KCTD8: variants seen among roughly 807,000 people sequenced by gnomAD.
The protein encoded by KCTD8 is BTB/POZ domain-containing protein KCTD8.
Under a neutral mutation model 31.5 loss-of-function variants are expected in KCTD8, and 27 were observed. The observed-to-expected ratio is 0.86, with a 90% CI of 0.63 to 1.18. KCTD8 has a LOEUF of 1.18. Ranked by LOEUF, KCTD8 falls within the 50% of genes most tolerant of loss-of-function variation. The pLI is 0.00. For synonymous variants in KCTD8, 290 were observed against 280.0 expected, an observed-to-expected ratio of 1.04 and a Z score of -0.36; for missense variants, 658 against 647.7, an observed-to-expected ratio of 1.02 and a Z score of -0.17.
intron 1 of KCTD8, among the ~76,000 whole-genome samples, chr4:44,285,467 T>C (rs1473652639): frequency 6.6e-6 from 1 of 151,290 alleles, no homozygotes; most frequent in Non-Finnish European, 1.5e-5. Context: ...CACTGGGGCC[T>C]GTAGGGGGTC....
At chr4:44,306,454 A>G (rs1288394471) in intron 1 of KCTD8, among the ~76,000 whole-genome samples, 1 of 152,036 alleles carries the variant, frequency 6.6e-6, no homozygotes, top group Admixed American at 6.5e-5. Flanking sequence ...TATAATTTAA[A>G]CATCTTCACA....
In KCTD8 at chr4:44,378,461, A is replaced by AAAAT. The variant is rs753027689; in HGVS notation, c.961+69098_961+69101dup. Among the ~76,000 whole-genome samples, 160 of 151,794 alleles carry AAAAT rather than the reference A, an allele frequency of 1.1e-3. 1 individual carries two copies. The highest frequency in any genetic ancestry group is 4.4e-3 in the Admixed American group (67 of 15,220). ...GTACCCTAGAACTTAAAGTATGATA[A>AAAAT]AAATAAATAAATAAATAAAATAAAG... is the stretch of plus-strand genomic sequence containing the variant. On this transcript the variant is annotated intron_variant, in intron 1 of 1. Transcript: ENST00000360029.
intron 1 of KCTD8, among the ~76,000 whole-genome samples, chr4:44,351,115 A>G (rs1486560883): frequency 6.6e-6 from 1 of 152,080 alleles, no homozygotes; most frequent in Non-Finnish European, 1.5e-5. Flanking sequence ...CTGTCTTCAC[A>G]TTCTTATAAT....
chr4:44,196,387 G>A (rs1713941878), intron 1 of KCTD8, among the ~76,000 whole-genome samples: 1 of 152,046 alleles, frequency 6.6e-6, no homozygotes, highest in Non-Finnish European at 1.5e-5. Context: ...GATATGCAAG[G>A]GAATACAAAT....
intron 1 of KCTD8, among the ~76,000 whole-genome samples, chr4:44,244,434 G>A (rs66825792): frequency 0.25 from 38,576 of 151,902 alleles, 4,998 homozygotes; most frequent in South Asian, 0.32. Flanking sequence ...GGAGGCTTCA[G>A]AATCAAGGTT....
intron 1 of KCTD8, among the ~76,000 whole-genome samples, chr4:44,205,958 T>C (rs936490666): frequency 2.6e-5 from 4 of 152,168 alleles, no homozygotes; most frequent in African/African-American, 9.6e-5. Context: ...CTTTTTTTTC[T>C]GGAGACAGGC....
chr4:44,320,759 G>C (rs527306395), intron 1 of KCTD8, among the ~76,000 whole-genome samples: 32 of 149,846 alleles, frequency 2.1e-4, no homozygotes, highest in Non-Finnish European at 1.2e-4. Context: ...ATCCCTGTGC[G>C]ATAGTGACTG....
intron 1 of KCTD8, among the ~76,000 whole-genome samples, chr4:44,392,661 G>A (rs764167443): frequency 2.6e-5 from 4 of 151,940 alleles, no homozygotes; most frequent in Non-Finnish European, 4.4e-5. Context: ...TTTTGATCAT[G>A]CTAATGATGA....
intron 1 of KCTD8, among the ~76,000 whole-genome samples, chr4:44,202,479 A>T (rs974274892): frequency 6.6e-6 from 1 of 152,206 alleles, no homozygotes; most frequent in Non-Finnish European, 1.5e-5. Flanking sequence ...CCTTTGCAGC[A>T]CCATGGATGC....
intron 1 of KCTD8, among the ~76,000 whole-genome samples, chr4:44,357,454 T>C (rs1227315209): frequency 6.6e-6 from 1 of 152,176 alleles, no homozygotes; most frequent in Non-Finnish European, 1.5e-5. Context: ...ATAAAATTCC[T>C]ACTATGGCTC....
At chr4:44,285,060 G>C (rs1160353159) in intron 1 of KCTD8, among the ~76,000 whole-genome samples, 1 of 152,158 alleles carries the variant, frequency 6.6e-6, no homozygotes, top group African/African-American at 2.4e-5. Flanking sequence ...GGAAGACAGT[G>C]TGGTGATTTC....
At position 44,428,970 on chromosome 4, in the gene KCTD8, G is replaced by A. The variant is rs74763564; in HGVS notation, c.961+18593C>T. Reference sequence around the variant, plus strand: ...ACCCAAAGGAGAAGTCCATGCTATCGATACAAATTTGGGAGTCATCTTCCC... The same window carrying A: ...ACCCAAAGGAGAAGTCCATGCTATCAATACAAATTTGGGAGTCATCTTCCC... On this transcript the variant is annotated intron_variant, in intron 1 of 1. Transcript: ENST00000360029. 7.4e-3 allele frequency among the ~76,000 whole-genome samples: 1,119 copies of A among 151,768 alleles called. 17 individuals are homozygous for A. The highest frequency in any genetic ancestry group is 0.025 in the African/African-American group (1,042 of 41,432).
intron 1 of KCTD8, among the ~76,000 whole-genome samples, chr4:44,178,425 C>T (rs1283288171): frequency 1.3e-5 from 2 of 152,008 alleles, no homozygotes; most frequent in Non-Finnish European, 2.9e-5. Flanking sequence ...TGATCCTAAG[C>T]AAGCATGAAA....
intron 1 of KCTD8, among the ~76,000 whole-genome samples, chr4:44,275,399 T>C (rs941409515): frequency 1.5e-4 from 23 of 151,926 alleles, no homozygotes; most frequent in African/African-American, 5.1e-4. Context: ...CCTTTTATTT[T>C]ACCATATGAG....
intron 1 of KCTD8, among the ~76,000 whole-genome samples, chr4:44,434,103 C>A (rs147260973): frequency 1.3e-5 from 2 of 151,954 alleles, no homozygotes; most frequent in Non-Finnish European, 2.9e-5. Flanking sequence ...AACTATTCCC[C>A]GAACATGCCA....
intron 1 of KCTD8, among the ~76,000 whole-genome samples, chr4:44,375,190 A>G (rs1360935117): frequency 6.6e-6 from 1 of 152,162 alleles, no homozygotes; most frequent in Non-Finnish European, 1.5e-5. Context: ...TGTGGCCAGT[A>G]GAGATGAGCA....
intron 1 of KCTD8, among the ~76,000 whole-genome samples, chr4:44,419,894 C>A (rs551020611): frequency 1.3e-5 from 2 of 151,438 alleles, no homozygotes; most frequent in Non-Finnish European, 2.9e-5. Context: ...AAGAAAGGAA[C>A]CTTTCAAGCT....
chr4:44,213,114 T>G (rs996961728), intron 1 of KCTD8, among the ~76,000 whole-genome samples: 3 of 152,128 alleles, frequency 2.0e-5, no homozygotes, highest in Admixed American at 1.3e-4. Flanking sequence ...TTTTTTGTAT[T>G]TTTTAGTAGA....
chr4:44,221,197 T>G (rs1292306828), intron 1 of KCTD8, among the ~76,000 whole-genome samples: 5 of 152,194 alleles, frequency 3.3e-5, no homozygotes, highest in Non-Finnish European at 7.3e-5. Flanking sequence ...TAAACATTTT[T>G]TCTTTACAAT....
Sources: gnomAD v4.1 joint callset for allele counts (sites outside exome capture counted in the v4.1 genomes callset) on GRCh38, gnomAD v4.1.1 for gene constraint, MANE v1.5 for transcripts, NCBI Gene and HGNC (gene_info 2026-07-23, HGNC 2026-07-21) for gene names.